The following NALF1 variants were observed in gnomAD, a reference collection of about 807,000 sequenced individuals.
NALF1 encodes the protein NALCN channel auxiliary factor 1, also known as family with sequence similarity 155 member A.
A neutral mutation model predicts 48.4 loss-of-function variants in NALF1; 3 were observed. That is an observed-to-expected ratio of 0.06 (90% CI 0.03 to 0.16). The LOEUF (loss-of-function observed/expected upper bound fraction) is 0.16. NALF1 is among the 10% of genes least tolerant of loss of function. The pLI is 1.00. For synonymous variants in NALF1, 262 were observed against 245.7 expected (o/e 1.07, Z -0.62); for missense variants, 526 against 571.5 (o/e 0.92, Z 0.81).
chr13:107,512,758 G>C (rs1875937558), intron 1 of NALF1, among the ~76,000 whole-genome samples: 2 of 152,148 alleles, frequency 1.3e-5, no homozygotes, highest in Admixed American at 6.5e-5. Context: ...GTCATGGAAA[G>C]GGGTGGTAAG....
intron 1 of NALF1, among the ~76,000 whole-genome samples, chr13:107,684,115 A>G (rs1881371918): frequency 6.6e-6 from 1 of 152,182 alleles, no homozygotes; most frequent in South Asian, 2.1e-4. Context: ...GCCACCAGCC[A>G]TCTGTGGCTC....
At chr13:107,816,531 C>T (rs566993138) in intron 1 of NALF1, among the ~76,000 whole-genome samples, 34 of 152,154 alleles carry the variant, frequency 2.2e-4, no homozygotes, top group African/African-American at 6.3e-4. Flanking sequence ...ATCAGCCCCA[C>T]GATTCAATTA....
At chr13:107,513,120 A>G (rs1289219665) in intron 1 of NALF1, among the ~76,000 whole-genome samples, 2 of 152,208 alleles carry the variant, frequency 1.3e-5, no homozygotes, top group African/African-American at 4.8e-5. Flanking sequence ...AGGACTGCAT[A>G]AGGATTCGAA....
intron 1 of NALF1, among the ~76,000 whole-genome samples, chr13:107,269,249 CA>C (rs1881106210): frequency 6.6e-6 from 1 of 151,744 alleles, no homozygotes; most frequent in African/African-American, 2.4e-5. Context: ...CAGCAATAGT[CA>C]GGGGGGTTCA....
At chr13:107,720,082 C>G (rs537086298) in intron 1 of NALF1, among the ~76,000 whole-genome samples, 1 of 152,220 alleles carries the variant, frequency 6.6e-6, no homozygotes, top group African/African-American at 2.4e-5. Flanking sequence ...CTCCTGCCCA[C>G]GTGCAACTAG....
intron 1 of NALF1, among the ~76,000 whole-genome samples, chr13:107,649,013 A>C (rs1880382386): frequency 6.6e-6 from 1 of 152,264 alleles, no homozygotes; most frequent in South Asian, 2.1e-4. Context: ...CCTTTTGCCC[A>C]TTTTTAAATT....
chr13:107,212,106 A>G (rs1879774616), intron 1 of NALF1, among the ~76,000 whole-genome samples: 1 of 152,186 alleles, frequency 6.6e-6, no homozygotes. Context: ...TAAAATCAGC[A>G]TGGCCTTCCA....
chr13:107,487,237 G>A (rs186405325), intron 1 of NALF1, among the ~76,000 whole-genome samples: 15 of 152,198 alleles, frequency 9.9e-5, no homozygotes, highest in Admixed American at 7.9e-4. Context: ...ATTAATATTT[G>A]AAAATTATCT....
rs1049915576 is a variant in NALF1 at position 107,550,773 on chromosome 13, T to C, written c.915+314909A>G. ...AGTTTTGCATACCAAAGAGGATAAC[T>C]AGACCAATGAACTATAATGTTAGTT... On this transcript the variant is annotated intron_variant, in intron 1 of 2. Transcript: ENST00000375915. Among the ~76,000 whole-genome samples the C allele has an allele frequency of 2.0e-5, 3 of 152,272 alleles. No homozygotes were observed. In the East Asian group the frequency reaches 5.8e-4, roughly 29 times the overall value.
chr13:107,209,459 A>G (rs945723526), intron 2 of NALF1, among the ~76,000 whole-genome samples: 3 of 151,036 alleles, frequency 2.0e-5, no homozygotes, highest in African/African-American at 4.9e-5. Flanking sequence ...GTGAGCCGAG[A>G]TCACACCAGC....
intron 1 of NALF1, among the ~76,000 whole-genome samples, chr13:107,760,069 T>C (rs1010838607): frequency 1.7e-4 from 26 of 152,188 alleles, no homozygotes; most frequent in African/African-American, 4.3e-4. Context: ...GGTAGGAATA[T>C]AAAGTGAATG....
At chr13:107,203,427 G>A (rs1238215438) in intron 2 of NALF1, among the ~76,000 whole-genome samples, 1 of 152,176 alleles carries the variant, frequency 6.6e-6, no homozygotes, top group African/African-American at 2.4e-5. Context: ...GCAGGCGCTG[G>A]CACTGCCTCT....
intron 1 of NALF1, among the ~76,000 whole-genome samples, chr13:107,521,618 A>G (rs1876240801): frequency 6.6e-6 from 1 of 152,114 alleles, no homozygotes; most frequent in African/African-American, 2.4e-5. Context: ...TAATAATTAA[A>G]TTATGCTTTG....
chr13:107,621,777 C>G (rs993220572), intron 1 of NALF1, among the ~76,000 whole-genome samples: 3 of 152,114 alleles, frequency 2.0e-5, no homozygotes, highest in African/African-American at 7.2e-5. Context: ...TGAGGAAGAC[C>G]TAGAGGAGGC....
intron 1 of NALF1, among the ~76,000 whole-genome samples, chr13:107,432,249 T>G (rs1884395094): frequency 1.3e-5 from 2 of 152,290 alleles, no homozygotes; most frequent in South Asian, 4.1e-4. Flanking sequence ...TCCAAAGGGC[T>G]GACACCAAAC....
rs376102388 is a variant in NALF1, at chr13:107,627,325, A to G, written c.915+238357T>C. ...ACACCAGCTTGATTCTATCATACTA[A>G]TTTATCAAACCCTGTGTTATTAAAG... On this transcript the variant is annotated intron_variant, in intron 1 of 2. Coordinates refer to ENST00000375915, the MANE Select transcript of NALF1 (RefSeq NM_001080396.3). Among the ~76,000 whole-genome samples the G allele has an allele frequency of 2.4e-4, 36 of 152,242 alleles. No homozygotes were observed. The South Asian group carries it at 7.3e-3, about 31-fold the overall frequency.
At chr13:107,270,610 T>C (rs991177411) in intron 1 of NALF1, among the ~76,000 whole-genome samples, 1 of 151,754 alleles carries the variant, frequency 6.6e-6, no homozygotes, top group East Asian at 1.9e-4. Flanking sequence ...GAGGTTTTAG[T>C]CAAGGATAAA....
chr13:107,801,040 T>C (rs548224105), intron 1 of NALF1, among the ~76,000 whole-genome samples: 1 of 152,284 alleles, frequency 6.6e-6, no homozygotes, highest in African/African-American at 2.4e-5. Context: ...TCCTACACAA[T>C]CTGTCAGTTA....
chr13:107,733,563 AAC>A (rs916405366), intron 1 of NALF1, among the ~76,000 whole-genome samples: 1 of 151,988 alleles, frequency 6.6e-6, no homozygotes, highest in African/African-American at 2.4e-5. Context: ...CAAAGAGAGT[AAC>A]ACATCATATA....
Sources: gnomAD v4.1 joint callset for allele counts (sites outside exome capture counted in the v4.1 genomes callset) on GRCh38, gnomAD v4.1.1 for gene constraint, MANE v1.5 for transcripts, NCBI Gene and HGNC (gene_info 2026-07-23, HGNC 2026-07-21) for gene names.